C3: variants seen among roughly 807,000 people sequenced by gnomAD.
C3 encodes complement C3, also known as C3 and PZP-like alpha-2-macroglobulin domain-containing protein 1.
C3 carries 97 observed loss-of-function variants against 207.9 expected under a neutral mutation model. The observed-to-expected ratio is 0.47, with a 90% CI of 0.40 to 0.55. The LOEUF is 0.55. C3 is among the 20% of genes least tolerant of loss of function. The pLI is 0.00. For missense variants in C3, 1,684 were observed against 2,171.7 expected, an observed-to-expected ratio of 0.78 and a Z score of 4.46; for synonymous variants, 848 against 857.6, an observed-to-expected ratio of 0.99 and a Z score of 0.20.
At chr19:6,707,727 A>G in intron 15 of C3, 73 bp downstream of exon 15, 2 of 1,603,330 alleles carry the variant, frequency 1.2e-6, no homozygotes, top group South Asian at 2.2e-5. Flanking sequence ...CCCGGTTTCC[A>G]GAGCTCTGCT....
At chr19:6,683,446 A>ATTTTTTTTTTTTTT (rs770744810) in intron 33 of C3, 2 of 93,430 alleles carry the variant, frequency 2.1e-5, no homozygotes, top group African/African-American at 4.4e-5. Flanking sequence ...GTTTTATTCT[A>ATTTTTTTTTTTTTT]TTTTTTTTTT....
intron 27 of C3, among the ~76,000 whole-genome samples, chr19:6,689,328 C>CCTATCTCTCTCTCTCTCTCTCTCT (rs1918098314): frequency 1.5e-4 from 8 of 53,268 alleles, no homozygotes; most frequent in African/African-American, 7.9e-4. Context: ...TCTCTACCTA[C>CCTATCTCTCTCTCTCTCTCTCTCT]CTCCCTCCCT....
intron 40 of C3, 33 bp downstream of exon 40, chr19:6,678,119 G>A: frequency 3.1e-6 from 5 of 1,614,096 alleles, no homozygotes; most frequent in Non-Finnish European, 4.2e-6. Flanking sequence ...GGGCAGTCGG[G>A]CGGTCGCGCG....
At chr19:6,700,617 TATATA>T (rs1379035684) in intron 19 of C3, among the ~76,000 whole-genome samples, 1 of 24,204 alleles carries the variant, frequency 4.1e-5, no homozygotes, top group African/African-American at 2.4e-4. Flanking sequence ...ATATATGTAA[TATATA>T]ATATATGATA....
intron 38 of C3, 26 bp from the exon 39 acceptor site, chr19:6,678,481 G>C (rs765397948): frequency 6.2e-7 from 1 of 1,606,878 alleles, no homozygotes; most frequent in South Asian, 1.1e-5. Context: ...AGACAGTTTG[G>C]GTGGTGGGCT....
intron 7 of C3, 93 bp downstream of exon 7, chr19:6,713,899 C>T: frequency 1.8e-6 from 1 of 545,342 alleles, no homozygotes; most frequent in East Asian, 4.0e-5. Flanking sequence ...GTCCCATCTC[C>T]AGCCCCCCAC....
intron 29 of C3, 116 bp downstream of exon 29, chr19:6,686,008 A>T (rs1486028788): frequency 1.9e-6 from 2 of 1,043,632 alleles, no homozygotes; most frequent in Non-Finnish European, 3.0e-6. Flanking sequence ...CTGCAATCAC[A>T]CTGGCTCGTG....
At chr19:6,703,028 C>T (rs1326345393) in intron 17 of C3, among the ~76,000 whole-genome samples, 1 of 152,078 alleles carries the variant, frequency 6.6e-6, no homozygotes, top group African/African-American at 2.4e-5. Context: ...AGACAGACTC[C>T]ATCTGAAAAC....
At chr19:6,683,405 T>A (rs1056722535) in intron 33 of C3, 13 of 151,286 alleles carry the variant, frequency 8.6e-5, no homozygotes, top group African/African-American at 2.9e-4. Flanking sequence ...CTCATCTTAC[T>A]ATGAATTTCA....
At chr19:6,703,601 C>T (rs1967716823) in intron 17 of C3, among the ~76,000 whole-genome samples, 1 of 151,712 alleles carries the variant, frequency 6.6e-6, no homozygotes. Context: ...AGTGAGACTC[C>T]ATCTCAAAAA....
intron 23 of C3, 93 bp from the exon 24 acceptor site, chr19:6,694,727 G>T: frequency 8.5e-7 from 1 of 1,180,984 alleles, no homozygotes; most frequent in Non-Finnish European, 1.2e-6. Context: ...AACCAGCCAG[G>T]GCCAAGGGGT....
intron 19 of C3, 42 bp downstream of exon 19, chr19:6,702,084 TG>T: frequency 9.7e-7 from 1 of 1,034,038 alleles, no homozygotes. Flanking sequence ...TCAGACACCC[TG>T]GGGTCCCTGC....
chr19:6,711,572 A>G (rs1568225496), intron 11 of C3, among the ~76,000 whole-genome samples: 1 of 152,176 alleles, frequency 6.6e-6, no homozygotes, highest in Non-Finnish European at 1.5e-5. Context: ...TGACCTCTCA[A>G]ACTATAGACC....
chr19:6,696,811 G>C (rs916422432), intron 21 of C3, 152 bp from the exon 22 acceptor site: 6 of 750,088 alleles, frequency 8.0e-6, no homozygotes, highest in African/African-American at 6.8e-5. Flanking sequence ...GGAGGCCGAG[G>C]TGGGTGGATC....
intron 33 of C3, 99 bp downstream of exon 33, chr19:6,684,289 G>A: frequency 2.2e-6 from 2 of 928,838 alleles, no homozygotes; most frequent in Non-Finnish European, 1.8e-6. Flanking sequence ...GATACACAGT[G>A]TACTTGGAAA....
chr19:6,696,117 G>A (rs1967526194), intron 23 of C3, among the ~76,000 whole-genome samples: 2 of 151,488 alleles, frequency 1.3e-5, no homozygotes, highest in South Asian at 4.2e-4. Flanking sequence ...GGCTGAGGCA[G>A]GAGAATGGCG....
At chr19:6,717,576 GTGTGTTGTGT>G (rs1968059951) in intron 4 of C3, 1 of 176,564 alleles carries the variant, frequency 5.7e-6, no homozygotes, top group South Asian at 5.7e-5. Flanking sequence ...TGTGTTTTGT[GTGTGTTGTGT>G]GTGTTGTGTG....
rs192773069 is a variant in C3, at chr19:6,695,992, G to A, written c.2950+387C>T. 1.6e-3 allele frequency among the ~76,000 whole-genome samples: 246 copies of A among 151,782 alleles called. 1 individual carries two copies. The highest frequency in any genetic ancestry group is 4.9e-3 in the African/African-American group (205 of 41,444). ...TGGGAGGCTGAGGCGGGTGGATCAC[G>A]AGGTCAGGAGATCGAGACCATCCTG... On this transcript the variant is annotated intron_variant, in intron 23 of 40. Transcript: ENST00000245907.
chr19:6,717,850 T>C (rs1599528226), intron 4 of C3: 1 of 600,708 alleles, frequency 1.7e-6, no homozygotes, highest in Non-Finnish European at 3.0e-6. Context: ...GCATTGTGTG[T>C]GTGCATTGTG....
Sources: allele counts gnomAD v4.1 joint callset (sites outside exome capture counted in the v4.1 genomes callset), GRCh38; gene constraint gnomAD v4.1.1; transcripts MANE v1.5; gene names NCBI Gene and HGNC (gene_info 2026-07-23, HGNC 2026-07-21).